IL1RAPL1: variants seen among roughly 807,000 people sequenced by gnomAD.
IL1RAPL1 encodes the protein interleukin 1 receptor accessory protein like 1.
Under a neutral mutation model 48.4 loss-of-function variants are expected in IL1RAPL1, and 3 were observed. The observed-to-expected ratio is 0.06, with a 90% confidence interval of 0.03 to 0.16. The LOEUF is 0.16. Ranked by LOEUF, IL1RAPL1 falls within the 10% of genes least tolerant of loss-of-function variation. The probability of loss-of-function intolerance (pLI) is 1.00; values close to 1 mark genes in which losing one functional copy is unlikely to be tolerated. For missense variants in IL1RAPL1, 349 were observed against 530.6 expected, an observed-to-expected ratio of 0.66 and a Z score of 3.36; for synonymous variants, 185 against 187.7, an observed-to-expected ratio of 0.99 and a Z score of 0.12.
At chrX:29,573,705 C>A (rs1922671159) in intron 5 of IL1RAPL1, among the ~76,000 whole-genome samples, 1 of 112,264 alleles carries the variant, frequency 8.9e-6, no homozygotes, top group South Asian at 3.7e-4. Context: ...TAGGTAGATC[C>A]TCGTAAAAGT....
At chrX:29,802,980 C>T (rs189031515) in intron 6 of IL1RAPL1, among the ~76,000 whole-genome samples, 2,678 of 36,043 alleles carry the variant, frequency 0.074, 542 homozygotes, top group African/African-American at 0.15. Flanking sequence ...TATATACATA[C>T]ATGTGTACAT....
chrX:28,857,632 G>A (rs1921837493), intron 2 of IL1RAPL1, among the ~76,000 whole-genome samples: 1 of 111,040 alleles, frequency 9.0e-6, no homozygotes, highest in East Asian at 2.8e-4. Flanking sequence ...TTATAGCATG[G>A]GTTGCTGAGT....
intron 2 of IL1RAPL1, among the ~76,000 whole-genome samples, chrX:29,156,102 C>G (rs891732623): frequency 6.3e-5 from 7 of 111,205 alleles, no homozygotes; most frequent in Non-Finnish European, 9.4e-5. Context: ...TTTGAGAAAT[C>G]TAAACTAAGA....
chrX:29,906,198 C>G (rs769522963), intron 6 of IL1RAPL1, among the ~76,000 whole-genome samples: 296 of 105,593 alleles, frequency 2.8e-3, no homozygotes, highest in African/African-American at 8.8e-3. Flanking sequence ...AGCCGGGCGT[C>G]GTGGCGGGCT....
intron 2 of IL1RAPL1, among the ~76,000 whole-genome samples, chrX:28,995,209 G>T (rs1412503325): frequency 1.8e-5 from 2 of 111,253 alleles, no homozygotes; most frequent in African/African-American, 6.5e-5. Context: ...TGAGAACAAG[G>T]CTATAGATAT....
intron 2 of IL1RAPL1, among the ~76,000 whole-genome samples, chrX:29,071,692 C>T (rs1317264991): frequency 9.0e-6 from 1 of 111,294 alleles, no homozygotes; most frequent in Non-Finnish European, 1.9e-5. Flanking sequence ...GTGGGAAATG[C>T]AACCACGCCC....
chrX:29,742,346 A>AT (rs60675238), intron 6 of IL1RAPL1, among the ~76,000 whole-genome samples: 2 of 110,024 alleles, frequency 1.8e-5, no homozygotes, highest in African/African-American at 3.3e-5. Flanking sequence ...AAGTATTGAC[A>AT]TTTTTTTTTC....
intron 5 of IL1RAPL1, among the ~76,000 whole-genome samples, chrX:29,488,220 A>C (rs1280879610): frequency 8.9e-6 from 1 of 112,157 alleles, no homozygotes; most frequent in Non-Finnish European, 1.9e-5. Flanking sequence ...CGGGCGGATC[A>C]TGAGGTCAGG....
chrX:28,740,058 G>A (rs1337460060), intron 1 of IL1RAPL1, among the ~76,000 whole-genome samples: 1 of 111,003 alleles, frequency 9.0e-6, no homozygotes, highest in East Asian at 2.8e-4. Flanking sequence ...AAATGAATGT[G>A]TGACACAGAA....
intron 1 of IL1RAPL1, among the ~76,000 whole-genome samples, chrX:28,664,383 G>C: frequency 8.9e-6 from 1 of 112,211 alleles, no homozygotes; most frequent in South Asian, 3.7e-4. Context: ...CGAGAGTAAA[G>C]ACTGCATTGT....
At chrX:29,547,783 C>A (rs376941051) in intron 5 of IL1RAPL1, among the ~76,000 whole-genome samples, 1 of 111,676 alleles carries the variant, frequency 9.0e-6, no homozygotes, top group East Asian at 2.8e-4. Flanking sequence ...AACGTGAAGC[C>A]ATAACAGTCA....
At chrX:29,840,120 C>T (rs1385434080) in intron 6 of IL1RAPL1, among the ~76,000 whole-genome samples, 2 of 111,671 alleles carry the variant, frequency 1.8e-5, no homozygotes, top group Non-Finnish European at 3.8e-5. Flanking sequence ...TCGATTATGG[C>T]CATTGAAGAG....
chrX:28,818,635 C>T (rs998008369), intron 2 of IL1RAPL1, among the ~76,000 whole-genome samples: 8 of 110,615 alleles, frequency 7.2e-5, no homozygotes, highest in African/African-American at 2.6e-4. Flanking sequence ...TTGAGGTTTG[C>T]TGTTTCTCAG....
At chrX:29,636,065 CA>C in intron 5 of IL1RAPL1, among the ~76,000 whole-genome samples, 1 of 110,349 alleles carries the variant, frequency 9.1e-6, no homozygotes, top group East Asian at 2.8e-4. Flanking sequence ...AGTCTTATAA[CA>C]AAGTCTAAAG....
At chrX:28,608,277 A>G (rs972826895) in intron 1 of IL1RAPL1, among the ~76,000 whole-genome samples, 21 of 111,387 alleles carry the variant, frequency 1.9e-4, no homozygotes, top group African/African-American at 6.9e-4. Context: ...GTTCTTTTAT[A>G]TATATATTTG....
intron 2 of IL1RAPL1, among the ~76,000 whole-genome samples, chrX:28,819,137 A>G (rs373466722): frequency 5.4e-4 from 60 of 111,029 alleles, no homozygotes; most frequent in Non-Finnish European, 9.5e-4. Context: ...GGACATGTTC[A>G]TCATCTTAAA....
chrX:28,931,010 G>A (rs1848481244), intron 2 of IL1RAPL1, among the ~76,000 whole-genome samples: 1 of 111,002 alleles, frequency 9.0e-6, no homozygotes, highest in South Asian at 3.8e-4. Flanking sequence ...CCGGCTATAA[G>A]CATCATTGGA....
intron 1 of IL1RAPL1, among the ~76,000 whole-genome samples, chrX:28,758,369 A>G (rs151226545): frequency 0.01 from 1,139 of 112,212 alleles, 17 homozygotes; most frequent in African/African-American, 0.034. Context: ...AGAGGAAGAA[A>G]ATATTTTATT....
chrX:29,732,095 A>G (rs754960940), intron 6 of IL1RAPL1, among the ~76,000 whole-genome samples: 1 of 111,966 alleles, frequency 8.9e-6, no homozygotes, highest in East Asian at 2.8e-4. Context: ...AACATCAGAT[A>G]TTTACTATCC....
Sources: gnomAD v4.1 joint callset for allele counts (sites outside exome capture counted in the v4.1 genomes callset) on GRCh38, gnomAD v4.1.1 for gene constraint, MANE v1.5 for transcripts, NCBI Gene and HGNC (gene_info 2026-07-23, HGNC 2026-07-21) for gene names.